Variants in RITA1 observed in about 807,000 individuals in gnomAD.
The protein encoded by RITA1 is RBPJ interacting and tubulin associated 1, also known as RBPJ-interacting and tubulin-associated protein 1.
RITA1 carries 15 observed loss-of-function variants against 8.7 expected under a neutral mutation model. The observed-to-expected ratio is 1.72, with a 90% CI of 1.15 to 2.65. The LOEUF (loss-of-function observed/expected upper bound fraction) is 2.65. Ranked by LOEUF, RITA1 falls within the 30% of genes most tolerant of loss-of-function variation. The probability of loss-of-function intolerance (pLI) is 0.00; values close to 1 mark genes in which losing one functional copy is unlikely to be tolerated. For synonymous variants in RITA1, 145 were observed against 156.2 expected, an observed-to-expected ratio of 0.93 and a Z score of 0.53; for missense variants, 330 against 363.8, an observed-to-expected ratio of 0.91 and a Z score of 0.76.
Position 113,186,031 on chromosome 12 carries a change from C to A in RITA1, c.-197+10C>A. On this transcript the variant is annotated intron_variant, in intron 1 of 3. Coordinates refer to ENST00000548278, the MANE Select transcript of RITA1 (RefSeq NM_032848.3). ...GAGCCAAGATGCTCAGGTAGGAGAA[C>A]AACCCAAAAATGCAGGGACCTCGGG... 6.5e-7 allele frequency: 1 copy of A among 1,536,002 alleles called. No individual in the cohort carries two copies. Among genetic ancestry groups the A allele is most frequent in the South Asian group, 1.2e-5 (1 of 84,052 alleles).
chr12:113,191,782 G>A lies in RITA1; in HGVS notation c.775G>A (p.Gly259Arg), dbSNP rs1272273709. 5.0e-6 allele frequency: 8 copies of A among 1,610,358 alleles called. No individual in the cohort carries two copies. The highest frequency in any genetic ancestry group is 6.8e-6 in the Non-Finnish European group (8 of 1,178,094). Reference protein sequence around the residue: ...ISVPSTPRRGGATQKPKPPWK With the variant: ...ISVPSTPRRGRATQKPKPPWK ...AGTGCCATCTACCCCACGACGAGGT[G>A]GGGCCACCCAGAAACCAAAGCCCCC... Residue 259 changes from glycine to arginine, a missense_variant, in exon 4 of 4, where the codon GGG becomes AGG. Transcript: ENST00000548278. This position sits in a 1 kb window ranked among gnomAD's most constrained non-coding sequence, Gnocchi z 4.0.
rs758423861 is a variant in RITA1, at chr12:113,186,825, GT to G, written c.80del (p.Val27AlafsTer168). On this transcript the variant is annotated frameshift_variant, in exon 3 of 4. Transcript: ENST00000548278. LOFTEE classifies it high-confidence loss of function. ...GCACCGCTGCCGAGGTGGCTACCGG[GT>G]CAAGGCCAGGACGTCATATGTGGAT... The part of the protein sequence containing the change: ...LQHRCRGGYR[V>X]KARTSYVDET... 1.9e-6 allele frequency: 3 copies of G among 1,613,930 alleles called. No homozygotes were observed.
Position 113,186,669 on chromosome 12 carries a change from ACCT to A in RITA1, c.-64-9_-64-7del. The A allele has an allele frequency of 1.3e-6, 2 of 1,571,120 alleles. No individual in the cohort carries two copies. Among genetic ancestry groups the A allele is most frequent in the Non-Finnish European group, 1.7e-6 (2 of 1,154,658 alleles). On this transcript the variant is annotated splice_polypyrimidine_tract_variant and intron_variant, in intron 2 of 3. Coordinates refer to ENST00000548278, the MANE Select transcript of RITA1 (RefSeq NM_032848.3). The stretch of plus-strand genomic sequence containing the variant: ...TCTGTGGCTCAGGGGTGCTACTCTG[ACCT>A]CCTCTCACAGGGAGCCTCGGAAGCA...
chr12:113,191,388 G>A lies in RITA1; in HGVS notation c.381G>A (p.Pro127=), dbSNP rs757092521. ...SRSEGASFGA[P]RMAKGDAAKL... ...CTGAAGGCGCCAGCTTCGGGGCCCCGCGGATGGCGAAGGGGGATGCCGCAA... is the reference window on the plus strand; with the variant it reads ...CTGAAGGCGCCAGCTTCGGGGCCCCACGGATGGCGAAGGGGGATGCCGCAA... The change falls in exon 4 of 4, where the codon CCG becomes CCA. Residue 127 remains proline (P), a synonymous_variant. Coordinates refer to ENST00000548278, the MANE Select transcript of RITA1 (RefSeq NM_032848.3). The surrounding 1 kb of genome is among the most constrained non-coding windows in gnomAD (Gnocchi z 4.0). 2.0e-5 allele frequency: 32 copies of A among 1,603,304 alleles called. No individual in the cohort carries two copies. The highest frequency in any genetic ancestry group is 1.7e-4 in the Middle Eastern group (1 of 6,040).
chr12:113,191,607 T>A lies in RITA1; in HGVS notation c.600T>A (p.His200Gln). The A allele has an allele frequency of 6.2e-7, 1 of 1,614,032 alleles. No individual in the cohort carries two copies. Among genetic ancestry groups the A allele is most frequent in the African/African-American group, 1.3e-5 (1 of 75,034 alleles). Residue 200 changes from histidine (H) to glutamine (Q), a missense_variant, in exon 4 of 4, where the codon CAT (histidine) becomes CAA (glutamine). His to Gln is a conservative substitution (Grantham distance 24). Transcript: ENST00000548278. The surrounding 1 kb of genome is among the most constrained non-coding windows in gnomAD (Gnocchi z 4.0). ...SSRPLKRGLSHSLTHLNVPST... is the reference protein window; with the variant it reads ...SSRPLKRGLSQSLTHLNVPST... ...GCCCCCTGAAGCGGGGACTTTCCCA[T>A]TCCCTCACCCACCTGAATGTCCCCA...
chr12:113,191,038 T>C lies in RITA1; in HGVS notation c.303-272T>C, dbSNP rs1160797803. 6.6e-6 allele frequency among the ~76,000 whole-genome samples: 1 copy of C among 152,156 alleles called. No homozygotes were observed. The highest frequency in any genetic ancestry group is 1.5e-5 in the Non-Finnish European group (1 of 68,036). On this transcript the variant is annotated intron_variant, in intron 3 of 3. Coordinates refer to ENST00000548278, the MANE Select transcript of RITA1 (RefSeq NM_032848.3). This position sits in a 1 kb window ranked among gnomAD's most constrained non-coding sequence, Gnocchi z 4.0. ...TCCATGTGGCCAGGAGGATGGAATA[T>C]GCAAATTGTCCAGGCCTGGGGCACA...
Position 113,186,991 on chromosome 12 carries a change from C to A in RITA1, c.245C>A (p.Thr82Asn), listed in dbSNP as rs1300938858. 6.2e-7 allele frequency: 1 copy of A among 1,611,940 alleles called. No individual in the cohort carries two copies. Among genetic ancestry groups the A allele is most frequent in the Admixed American group, 1.7e-5 (1 of 59,632 alleles). ...TTGGGGGCAAAGGGGAGCTGTGAGACCACCCCCTCAAGGGGCAGCACCCCC... is the reference window on the plus strand; with the variant it reads ...TTGGGGGCAAAGGGGAGCTGTGAGAACACCCCCTCAAGGGGCAGCACCCCC... The part of the protein sequence containing the change: ...KALGAKGSCE[T>N]TPSRGSTPTL... The change falls in exon 3 of 4, where the codon ACC becomes AAC. Residue 82 changes from threonine to asparagine, a missense_variant. By Grantham distance (65) the Thr-to-Asn change is moderately conservative. Coordinates refer to ENST00000548278, the MANE Select transcript of RITA1 (RefSeq NM_032848.3).
chr12:113,187,516 G>A (rs528076526), intron 3 of RITA1, among the ~76,000 whole-genome samples: 2 of 152,210 alleles, frequency 1.3e-5, no homozygotes, highest in South Asian at 2.1e-4. Context: ...ATCCCAGAAC[G>A]TTTGGAGGTT....
intron 1 of RITA1, 64 bp from the exon 2 acceptor site, chr12:113,186,121 C>G (rs1224227382): frequency 6.7e-7 from 1 of 1,500,520 alleles, no homozygotes; most frequent in Non-Finnish European, 9.0e-7. Flanking sequence ...CGGCGGTGAT[C>G]TCCCGATAGC....
intron 2 of RITA1, 89 bp downstream of exon 2, chr12:113,186,405 G>T: frequency 7.3e-7 from 1 of 1,371,292 alleles, no homozygotes; most frequent in Non-Finnish European, 9.4e-7. Flanking sequence ...ACCATAGTGT[G>T]TTTTCTGGTT....
Position 113,185,811 on chromosome 12 carries a change from G to A in RITA1, c.-407G>A. Reference sequence around the variant, plus strand: ...GGCCGTTCACACGTAGCCTGTGCCGGCTCCTCGGGTGAGTCCGTCCGCGCG... The same window carrying A: ...GGCCGTTCACACGTAGCCTGTGCCGACTCCTCGGGTGAGTCCGTCCGCGCG... On this transcript the variant is annotated 5_prime_UTR_variant, in exon 1 of 4. Coordinates refer to ENST00000548278, the MANE Select transcript of RITA1 (RefSeq NM_032848.3). The A allele has an allele frequency of 1.5e-6, 1 of 661,668 alleles. No individual in the cohort carries two copies. Among genetic ancestry groups the A allele is most frequent in the East Asian group, 2.8e-5 (1 of 36,192 alleles). 41.0% of individuals were successfully genotyped at this position (661,668 alleles called of 1,614,324 possible). A position where few individuals can be genotyped will look rare whatever the true frequency, so the allele number is the denominator to read the frequency against.
In RITA1 at chr12:113,192,335, T is replaced by C. The variant is rs1952618620; in HGVS notation, c.*518T>C. The C allele has an allele frequency of 6.4e-6, 1 of 156,128 alleles. No individual in the cohort carries two copies. The highest frequency in any genetic ancestry group is 2.4e-5 in the African/African-American group (1 of 41,484). The allele number at this position is 156,128 out of a possible 1,614,324, so 9.7% of individuals were successfully genotyped here. A position where few individuals can be genotyped will look rare whatever the true frequency, so the allele number is the denominator to read the frequency against. On this transcript the variant is annotated 3_prime_UTR_variant, in exon 4 of 4. Transcript: ENST00000548278. ...ATCTTAATATGCTTCTGAATTTATTTTCATGTACTAAATAGATCAGCTCAT... is the reference window on the plus strand; with the variant it reads ...ATCTTAATATGCTTCTGAATTTATTCTCATGTACTAAATAGATCAGCTCAT...
In RITA1 at chr12:113,191,270, T is replaced by C. The variant is rs1952597294; in HGVS notation, c.303-40T>C. 2.0e-6 allele frequency: 3 copies of C among 1,492,654 alleles called. No homozygotes were observed. The highest frequency in any genetic ancestry group is 2.7e-6 in the Non-Finnish European group (3 of 1,125,032). 92.5% of individuals were successfully genotyped at this position (1,492,654 alleles called of 1,614,324 possible). On this transcript the variant is annotated intron_variant, in intron 3 of 3. Transcript: ENST00000548278. This position sits in a 1 kb window ranked among gnomAD's most constrained non-coding sequence, Gnocchi z 4.0. ...GAGCTGTTAAAGTTTTGAGGGGTTGTTCATCCCCCAGCTCATGGCGTTTAT... is the reference window on the plus strand; with the variant it reads ...GAGCTGTTAAAGTTTTGAGGGGTTGCTCATCCCCCAGCTCATGGCGTTTAT...
rs796144888 is a variant in RITA1 at position 113,188,647 on chromosome 12, AT to A, written c.302+1608del. On this transcript the variant is annotated intron_variant, in intron 3 of 3. Transcript: ENST00000548278. The stretch of plus-strand genomic sequence containing the variant: ...CAGTGTCATCATAGGGCCTTTTCTC[AT>A]TTTTTTTTAATCCTTCAATTACATG... Among the ~76,000 whole-genome samples the A allele has an allele frequency of 1.2e-4, 18 of 148,022 alleles. 1 individual carries two copies. Among genetic ancestry groups the A allele is most frequent in the African/African-American group, 3.7e-4 (15 of 40,144 alleles).
At position 113,185,956 on chromosome 12, in the gene RITA1, C is replaced by A. The variant is rs76390746; in HGVS notation, c.-262C>A. On this transcript the variant is annotated 5_prime_UTR_variant, in exon 1 of 4. In the 5' UTR this introduces an upstream ATG that the reference lacks. Transcript: ENST00000548278. ...CGCGCCCTCACCGACGGGTCCAGAC[C>A]TGGTGGGAAGAAGGTGCGGGGACGG... is the stretch of plus-strand genomic sequence containing the variant. 13 of 1,534,988 alleles carry A rather than the reference C, an allele frequency of 8.5e-6. No homozygotes were observed. The African/African-American group carries it at 1.5e-4, about 18-fold the overall frequency.
rs774636761 is a variant in RITA1 at position 113,186,738 on chromosome 12, A to C, written c.-9A>C. 1 of 1,611,748 alleles carries C rather than the reference A, an allele frequency of 6.2e-7. No individual in the cohort carries two copies. Among genetic ancestry groups the C allele is most frequent in the Non-Finnish European group, 8.5e-7 (1 of 1,178,666 alleles). ...AGCACACCTGCTGTCACCAGGGACC[A>C]CAGGCAGCATGAAGACCCCCGTGGA... On this transcript the variant is annotated 5_prime_UTR_variant, in exon 3 of 4. Coordinates refer to ENST00000548278, the MANE Select transcript of RITA1 (RefSeq NM_032848.3).
chr12:113,188,932 C>G (rs373170962), intron 3 of RITA1, among the ~76,000 whole-genome samples: 2 of 150,760 alleles, frequency 1.3e-5, no homozygotes, highest in African/African-American at 4.9e-5. Flanking sequence ...GCCTCAGCCT[C>G]CCGAGTAGCT....
At chr12:113,188,038 G>T (rs1381498000) in intron 3 of RITA1, among the ~76,000 whole-genome samples, 1 of 151,976 alleles carries the variant, frequency 6.6e-6, no homozygotes, top group Non-Finnish European at 1.5e-5. Flanking sequence ...AGACTGGGTG[G>T]CTTAAACAAC....
intron 3 of RITA1, among the ~76,000 whole-genome samples, chr12:113,188,061 T>TG: frequency 6.6e-6 from 1 of 152,148 alleles, no homozygotes; most frequent in South Asian, 2.1e-4. Context: ...AATTTTTTTT[T>TG]TTTTTGAGAT....
Sources: allele counts gnomAD v4.1 joint callset (sites outside exome capture counted in the v4.1 genomes callset), GRCh38; gene constraint gnomAD v4.1.1; non-coding constraint Gnocchi (gnomAD v3.1); transcripts MANE v1.5; gene names NCBI Gene and HGNC (gene_info 2026-07-23, HGNC 2026-07-21).